The following CPEB3 variants were observed in gnomAD, a reference collection of about 807,000 sequenced individuals.
The protein encoded by CPEB3 is cytoplasmic polyadenylation element-binding protein 3.
A neutral mutation model predicts 67.2 loss-of-function variants in CPEB3; 20 were observed. The ratio of observed to expected loss-of-function variants is 0.30; its 90% CI spans 0.21 to 0.43. The LOEUF (loss-of-function observed/expected upper bound fraction) is 0.43. Ranked by LOEUF, CPEB3 falls within the 20% of genes least tolerant of loss-of-function variation. CPEB3 has a pLI of 1.00. For missense variants in CPEB3, 746 were observed against 968.6 expected, an observed-to-expected ratio of 0.77 and a Z score of 3.05; for synonymous variants, 376 against 393.1, an observed-to-expected ratio of 0.96 and a Z score of 0.51.
At chr10:92,135,064 G>C (rs1846026755) in intron 6 of CPEB3, among the ~76,000 whole-genome samples, 1 of 152,116 alleles carries the variant, frequency 6.6e-6, no homozygotes, top group Non-Finnish European at 1.5e-5. Flanking sequence ...AAAAACCCTA[G>C]GAGAAAACCT....
At chr10:92,265,123 G>C (rs571435371) in intron 1 of CPEB3, among the ~76,000 whole-genome samples, 20 of 151,532 alleles carry the variant, frequency 1.3e-4, no homozygotes, top group African/African-American at 3.6e-4. Context: ...TCCTGACACT[G>C]CACTCCAGCC....
At chr10:92,053,877 G>A (rs554682789) in intron 9 of CPEB3, among the ~76,000 whole-genome samples, 14 of 151,962 alleles carry the variant, frequency 9.2e-5, no homozygotes, top group African/African-American at 2.9e-4. Context: ...GTAGAAACGG[G>A]GTTTCACCAT....
chr10:92,065,951 G>T (rs1461090115), intron 9 of CPEB3, among the ~76,000 whole-genome samples: 2 of 151,958 alleles, frequency 1.3e-5, no homozygotes, highest in African/African-American at 4.8e-5. Flanking sequence ...CAAAAAATTG[G>T]CCAGGCGTGG....
chr10:92,238,078 A>G (rs924205364), intron 2 of CPEB3, among the ~76,000 whole-genome samples: 11 of 151,992 alleles, frequency 7.2e-5, no homozygotes, highest in African/African-American at 2.7e-4. Flanking sequence ...CTGACACTAT[A>G]CCTCTCTCAA....
chr10:92,274,803 C>A (rs534627075), intron 1 of CPEB3, among the ~76,000 whole-genome samples: 1 of 152,142 alleles, frequency 6.6e-6, no homozygotes, highest in East Asian at 1.9e-4. Context: ...CCAGCCTGGG[C>A]AACAGAGGGA....
At chr10:92,278,054 C>T (rs939377194) in intron 1 of CPEB3, among the ~76,000 whole-genome samples, 6 of 151,368 alleles carry the variant, frequency 4.0e-5, no homozygotes, top group African/African-American at 7.3e-5. Context: ...GGCATGGTGG[C>T]GGGTGCCTGT....
chr10:92,176,010 G>A (rs1223345899), intron 4 of CPEB3, among the ~76,000 whole-genome samples: 1 of 152,132 alleles, frequency 6.6e-6, no homozygotes, highest in East Asian at 1.9e-4. Context: ...AGAATCGCTT[G>A]AGCCCAAGAG....
chr10:92,066,333 G>T, intron 9 of CPEB3, among the ~76,000 whole-genome samples: 1 of 152,168 alleles, frequency 6.6e-6, no homozygotes, highest in Admixed American at 6.5e-5. Context: ...TACTTGGGAG[G>T]CTGATGCACT....
intron 2 of CPEB3, among the ~76,000 whole-genome samples, chr10:92,221,125 A>G (rs1850678459): frequency 6.6e-6 from 1 of 152,250 alleles, no homozygotes; most frequent in Non-Finnish European, 1.5e-5. Flanking sequence ...TTGAACAAAC[A>G]GCAATACCTG....
chr10:92,258,628 ATATATATATAT>A lies in CPEB3; in HGVS notation c.-11-18278_-11-18268del, dbSNP rs1280827985. On this transcript the variant is annotated intron_variant, in intron 1 of 9. Transcript: ENST00000265997. The stretch of plus-strand genomic sequence containing the variant: ...CAGACTTCAATTATATTTTTTGAAT[ATATATATATAT>A]ATATATATATATATATATATATATA... Among the ~76,000 whole-genome samples the A allele has an allele frequency of 4.6e-3, 385 of 84,178 alleles. 30 individuals are homozygous for A. Among genetic ancestry groups the A allele is most frequent in the Admixed American group, 0.018 (141 of 7,624 alleles). 55.2% of individuals were successfully genotyped at this position (84,178 alleles called of 152,430 possible).
intron 4 of CPEB3, among the ~76,000 whole-genome samples, chr10:92,149,222 C>A (rs755567499): frequency 6.6e-6 from 1 of 152,102 alleles, no homozygotes; most frequent in African/African-American, 2.4e-5. Flanking sequence ...TTATTTTGAA[C>A]GACACTAACT....
At chr10:92,232,212 C>G (rs540561392) in intron 2 of CPEB3, among the ~76,000 whole-genome samples, 2 of 149,886 alleles carry the variant, frequency 1.3e-5, no homozygotes, top group African/African-American at 4.9e-5. Context: ...ACCACCACAC[C>G]CAGCTAATAT....
intron 3 of CPEB3, among the ~76,000 whole-genome samples, chr10:92,181,563 T>C (rs1036721967): frequency 2.0e-5 from 3 of 152,110 alleles, no homozygotes; most frequent in Non-Finnish European, 4.4e-5. Context: ...AGGGTTCTGG[T>C]GGCTCTCCCT....
At chr10:92,115,751 C>A (rs1844990143) in intron 6 of CPEB3, among the ~76,000 whole-genome samples, 1 of 152,078 alleles carries the variant, frequency 6.6e-6, no homozygotes, top group Non-Finnish European at 1.5e-5. Flanking sequence ...ATACTGATTA[C>A]AGAAACCACA....
chr10:92,227,357 A>G (rs1328992441), intron 2 of CPEB3, among the ~76,000 whole-genome samples: 1 of 152,226 alleles, frequency 6.6e-6, no homozygotes, highest in Non-Finnish European at 1.5e-5. Context: ...AGTAGTATCT[A>G]TTTAGAGGAG....
intron 1 of CPEB3, among the ~76,000 whole-genome samples, chr10:92,271,665 G>T (rs1853313464): frequency 6.6e-6 from 1 of 152,170 alleles, no homozygotes; most frequent in Non-Finnish European, 1.5e-5. Flanking sequence ...ACATGGTGTG[G>T]ATTTAACCCA....
intron 1 of CPEB3, among the ~76,000 whole-genome samples, chr10:92,253,502 A>G (rs1852395738): frequency 6.6e-6 from 1 of 151,722 alleles, no homozygotes; most frequent in East Asian, 1.9e-4. Context: ...AAGAAAAGAA[A>G]ATTCAGAAAA....
chr10:92,174,577 T>C (rs1257892292), intron 4 of CPEB3, among the ~76,000 whole-genome samples: 1 of 152,154 alleles, frequency 6.6e-6, no homozygotes, highest in East Asian at 1.9e-4. Flanking sequence ...ATTCATGAGA[T>C]ACAGAAAAAA....
At chr10:92,231,377 C>T (rs549109273) in intron 2 of CPEB3, among the ~76,000 whole-genome samples, 2 of 152,270 alleles carry the variant, frequency 1.3e-5, no homozygotes, top group African/African-American at 2.4e-5. Flanking sequence ...GTTAGGCAAA[C>T]ATCCAAAAGC....
Sources: allele counts gnomAD v4.1 joint callset (sites outside exome capture counted in the v4.1 genomes callset), GRCh38; gene constraint gnomAD v4.1.1; transcripts MANE v1.5; gene names NCBI Gene and HGNC (gene_info 2026-07-23, HGNC 2026-07-21).